The following OR7A5 variants were observed in gnomAD, a reference collection of about 807,000 sequenced individuals.
OR7A5 encodes the protein olfactory receptor family 7 subfamily A member 5, also known as olfactory receptor 7A5.
For missense variants in OR7A5, 319 were observed against 377.9 expected (o/e 0.84, Z 1.29); for synonymous variants, 140 against 146.7 (o/e 0.95, Z 0.33).
rs867012873 is a variant in OR7A5 at position 14,826,971 on chromosome 19, G to A, written c.*311C>T. 33 of 213,046 alleles carry A rather than the reference G, an allele frequency of 1.5e-4. No homozygotes were observed. The highest frequency in any genetic ancestry group is 2.1e-4 in the Admixed American group (4 of 18,680). The allele number at this position is 213,046 out of a possible 1,614,324, so 13.2% of individuals were successfully genotyped here. ...TTACATCAATTACCCCAATTGCCAA[G>A]TGTAGTCTATGCCACAGGAGACATA... On this transcript the variant is annotated 3_prime_UTR_variant, in exon 2 of 2. Coordinates refer to ENST00000322301, the MANE Select transcript of OR7A5 (RefSeq NM_017506.2).
In OR7A5 at chr19:14,832,899, TC is replaced by T. The variant is rs1282709271; in HGVS notation, c.-14+2174del. On this transcript the variant is annotated intron_variant, in intron 1 of 1. Transcript: ENST00000322301. ...ATGCTATAATAATAATTTAATCATA[TC>T]AACATAAATTAATAAATTGGCAAAA... is the stretch of plus-strand genomic sequence containing the variant. 1.6e-3 allele frequency among the ~76,000 whole-genome samples: 245 copies of T among 152,322 alleles called. 1 individual carries two copies. Among genetic ancestry groups the T allele is most frequent in the African/African-American group, 5.7e-3 (238 of 41,578 alleles).
intron 1 of OR7A5, among the ~76,000 whole-genome samples, chr19:14,829,334 G>C (rs2044808445): frequency 6.6e-6 from 1 of 152,198 alleles, no homozygotes; most frequent in Non-Finnish European, 1.5e-5. Flanking sequence ...CTCCCGAGTA[G>C]CTGGGATTAC....
At chr19:14,832,460 TCTGTCACCAGG>T (rs1464728690) in intron 1 of OR7A5, among the ~76,000 whole-genome samples, 2 of 147,052 alleles carry the variant, frequency 1.4e-5, no homozygotes, top group Non-Finnish European at 3.0e-5. Flanking sequence ...GGAGCCTTGC[TCTGTCACCAGG>T]CTGGAGTGCA....
chr19:14,828,046 G>A lies in OR7A5; in HGVS notation c.196C>T (p.Leu66=). 4 of 1,614,214 alleles carry A rather than the reference G, an allele frequency of 2.5e-6. No homozygotes were observed. Among genetic ancestry groups the A allele is most frequent in the Non-Finnish European group, 3.4e-6 (4 of 1,180,038 alleles). Residue 66 remains leucine, a synonymous_variant, in exon 2 of 2, where the codon CTG becomes TTG. Coordinates refer to ENST00000322301, the MANE Select transcript of OR7A5 (RefSeq NM_017506.2). The part of the protein sequence containing the change: ...HTPMYFFLSN[L]SFADICVTST... ...GTAACACAAATGTCAGCAAAGGACA[G>A]GTTGGAGAGGAAGAAGTACATGGGG...
intron 1 of OR7A5, among the ~76,000 whole-genome samples, chr19:14,834,563 G>A (rs796571277): frequency 1.8e-4 from 27 of 152,232 alleles, no homozygotes; most frequent in African/African-American, 6.0e-4. Context: ...AATACCTAGC[G>A]TAAGAGAAAA....
At chr19:14,830,293 T>C (rs2044818301) in intron 1 of OR7A5, among the ~76,000 whole-genome samples, 2 of 152,222 alleles carry the variant, frequency 1.3e-5, no homozygotes, top group South Asian at 4.1e-4. Flanking sequence ...TTTTCAGCCC[T>C]GTGTTTAAAG....
At position 14,827,357 on chromosome 19, in the gene OR7A5, T is replaced by C; in HGVS notation, c.885A>G (p.Lys295=). The change falls in exon 2 of 2, where the codon AAA becomes AAG. Residue 295 remains lysine (K), a synonymous_variant. Transcript: ENST00000322301. ...LNPFIYSLRN[K]DIKRALGIHL... The stretch of plus-strand genomic sequence containing the variant: ...GTATTCCCAGAGCCCTCTTTATGTC[T>C]TTATTCCTCAGACTATAGATAAAGG... 1 of 1,605,446 alleles carries C rather than the reference T, an allele frequency of 6.2e-7. No individual in the cohort carries two copies. The highest frequency in any genetic ancestry group is 8.5e-7 in the Non-Finnish European group (1 of 1,177,400).
Position 14,827,814 on chromosome 19 carries a change from A to G in OR7A5, c.428T>C (p.Leu143Pro), listed in dbSNP as rs767759790. 1.9e-6 allele frequency: 3 copies of G among 1,614,232 alleles called. No homozygotes were observed. The highest frequency in any genetic ancestry group is 2.5e-6 in the Non-Finnish European group (3 of 1,180,036). ...CATGGTCCAGGATGCTAGAACCAGC[A>G]GTCCACAGAGGTGAGGGTTCATAAT... ...MVIMNPHLCGLLVLASWTMSA... is the reference protein window; with the variant it reads ...MVIMNPHLCGPLVLASWTMSA... Residue 143 changes from leucine to proline, a missense_variant, in exon 2 of 2, where the codon CTG becomes CCG. Transcript: ENST00000322301.
In OR7A5 at chr19:14,828,102, A is replaced by G; in HGVS notation, c.140T>C (p.Leu47Pro). Residue 47 changes from leucine (L) to proline (P), a missense_variant, in exon 2 of 2, where the codon CTG becomes CCG. By Grantham distance (98) the Leu-to-Pro change is moderately conservative. Transcript: ENST00000322301. ...GAGGTGGGAGTCTGAGATTGTGGCC[A>G]GGATGATGAGCAGGTTCCCGAGCAC... The part of the protein sequence containing the change: ...VTVLGNLLII[L>P]ATISDSHLHT... The G allele has an allele frequency of 6.2e-7, 1 of 1,614,162 alleles. No individual in the cohort carries two copies. The highest frequency in any genetic ancestry group is 8.5e-7 in the Non-Finnish European group (1 of 1,180,026).
At position 14,827,712 on chromosome 19, in the gene OR7A5, A is replaced by G; in HGVS notation, c.530T>C (p.Phe177Ser). The G allele has an allele frequency of 6.2e-7, 1 of 1,614,158 alleles. No homozygotes were observed. The highest frequency in any genetic ancestry group is 8.5e-7 in the Non-Finnish European group (1 of 1,180,012). The change falls in exon 2 of 2, where the codon TTT (phenylalanine) becomes TCT (serine). Residue 177 changes from phenylalanine to serine, a missense_variant. Physicochemically the swap from Phe to Ser is radical, Grantham distance 155. Coordinates refer to ENST00000322301, the MANE Select transcript of OR7A5 (RefSeq NM_017506.2). ...GATGACCTGATTAAGTTCACAGAAAAAGTGGGGGATTTCTAAGGCTGTGCA... is the reference window on the plus strand; with the variant it reads ...GATGACCTGATTAAGTTCACAGAAAGAGTGGGGGATTTCTAAGGCTGTGCA... ...SFCTALEIPHFFCELNQVIQL... is the reference protein window; with the variant it reads ...SFCTALEIPHSFCELNQVIQL...
chr19:14,830,797 C>A (rs761622511), intron 1 of OR7A5, among the ~76,000 whole-genome samples: 5 of 152,124 alleles, frequency 3.3e-5, no homozygotes. Context: ...GATAGATAAG[C>A]TCTAAGTCTG....
chr19:14,834,398 T>C lies in OR7A5; in HGVS notation c.-14+676A>G, dbSNP rs1199361369. 4.6e-5 allele frequency among the ~76,000 whole-genome samples: 7 copies of C among 152,200 alleles called. 1 individual carries two copies. The highest frequency in any genetic ancestry group is 2.0e-4 in the Admixed American group (3 of 15,274). Reference sequence around the variant, plus strand: ...TTCTGGGCTAGATCACTCTCTTTGATAAAGTCTATCCTATACACTGTGAGT... The same window carrying C: ...TTCTGGGCTAGATCACTCTCTTTGACAAAGTCTATCCTATACACTGTGAGT... On this transcript the variant is annotated intron_variant, in intron 1 of 1. Coordinates refer to ENST00000322301, the MANE Select transcript of OR7A5 (RefSeq NM_017506.2).
In OR7A5 at chr19:14,826,757, C is replaced by T. The variant is rs911781246; in HGVS notation, c.*525G>A. On this transcript the variant is annotated 3_prime_UTR_variant, in exon 2 of 2. Coordinates refer to ENST00000322301, the MANE Select transcript of OR7A5 (RefSeq NM_017506.2). Reference sequence around the variant, plus strand: ...ACTATGCCAGGGAGTATGGCAGATACTGTGGACATGGCACTGACAAAGACA... The same window carrying T: ...ACTATGCCAGGGAGTATGGCAGATATTGTGGACATGGCACTGACAAAGACA... 4 of 152,324 alleles carry T rather than the reference C, an allele frequency of 2.6e-5. No homozygotes were observed. The highest frequency in any genetic ancestry group is 9.7e-5 in the African/African-American group (4 of 41,438). The allele number at this position is 152,324 out of a possible 1,614,324, so 9.4% of individuals were successfully genotyped here. A position where few individuals can be genotyped will look rare whatever the true frequency, so the allele number is the denominator to read the frequency against.
chr19:14,827,626 G>A lies in OR7A5; in HGVS notation c.616C>T (p.Leu206=). ...HMVIYFTVAL[L]GGGPLTGILY... ...ATCCCAGTCAGGGGACCTCCACCCA[G>A]CAGCGCAACTGTAAAATATATCACC... Residue 206 remains leucine, a synonymous_variant, in exon 2 of 2, where the codon CTG becomes TTG. Transcript: ENST00000322301. The A allele has an allele frequency of 6.2e-7, 1 of 1,614,192 alleles. No individual in the cohort carries two copies. Among genetic ancestry groups the A allele is most frequent in the African/African-American group, 1.3e-5 (1 of 75,040 alleles).
In OR7A5 at chr19:14,827,006, C is replaced by T. The variant is rs994745141; in HGVS notation, c.*276G>A. 3 of 271,976 alleles carry T rather than the reference C, an allele frequency of 1.1e-5. No homozygotes were observed. In the Admixed American group the frequency reaches 1.4e-4, roughly 13 times the overall value. 16.8% of individuals were successfully genotyped at this position (271,976 alleles called of 1,614,324 possible). A position where few individuals can be genotyped will look rare whatever the true frequency, so the allele number is the denominator to read the frequency against. On this transcript the variant is annotated 3_prime_UTR_variant, in exon 2 of 2. Transcript: ENST00000322301. ...TGCCACAGGAGACATACAACTCTTCCCTGTATGAGACAAATGGAAATCTCC... is the reference window on the plus strand; with the variant it reads ...TGCCACAGGAGACATACAACTCTTCTCTGTATGAGACAAATGGAAATCTCC...
At position 14,828,296 on chromosome 19, in the gene OR7A5, T is replaced by G. The variant is rs1457145148; in HGVS notation, c.-13-42A>C. 3 of 1,535,542 alleles carry G rather than the reference T, an allele frequency of 2.0e-6. No homozygotes were observed. The Admixed American group carries it at 6.0e-5, about 30-fold the overall frequency. ...GAGAAAGAGGGAAACGAGACAGGCA[T>G]GCATTGCTAACCTTTCAGAAATACC... On this transcript the variant is annotated intron_variant, in intron 1 of 1. Coordinates refer to ENST00000322301, the MANE Select transcript of OR7A5 (RefSeq NM_017506.2).
Position 14,829,576 on chromosome 19 carries a change from T to C in OR7A5, c.-13-1322A>G, listed in dbSNP as rs575156670. ...GCCAGGGAATCAGTAAGACGGAGAG[T>C]GATGGGACATGGTGTCAGAGGATGT... is the stretch of plus-strand genomic sequence containing the variant. On this transcript the variant is annotated intron_variant, in intron 1 of 1. Transcript: ENST00000322301. Among the ~76,000 whole-genome samples the C allele has an allele frequency of 4.1e-4, 63 of 151,914 alleles. 1 individual carries two copies. The highest frequency in any genetic ancestry group is 1.4e-3 in the African/African-American group (58 of 41,428).
At chr19:14,833,157 C>T (rs1363275261) in intron 1 of OR7A5, among the ~76,000 whole-genome samples, 2 of 152,162 alleles carry the variant, frequency 1.3e-5, no homozygotes, top group African/African-American at 4.8e-5. Flanking sequence ...CTACCTCACA[C>T]ATCTTACACA....
chr19:14,833,674 A>C (rs970887571), intron 1 of OR7A5, among the ~76,000 whole-genome samples: 2 of 152,238 alleles, frequency 1.3e-5, no homozygotes, highest in African/African-American at 2.4e-5. Flanking sequence ...TCATTGAAAA[A>C]AATAATTTTA....
Sources: gnomAD v4.1 joint callset for allele counts (sites outside exome capture counted in the v4.1 genomes callset) on GRCh38, gnomAD v4.1.1 for gene constraint, MANE v1.5 for transcripts, NCBI Gene and HGNC (gene_info 2026-07-23, HGNC 2026-07-21) for gene names.